VDR: variants seen among roughly 807,000 people sequenced by gnomAD.
VDR encodes vitamin D3 receptor.
Under a neutral mutation model 39.7 loss-of-function variants are expected in VDR, and 19 were observed. The ratio of observed to expected loss-of-function variants is 0.48; its 90% CI spans 0.33 to 0.70. The LOEUF (loss-of-function observed/expected upper bound fraction) is 0.70, where lower values mean the gene tolerates loss of function less well. VDR is among the 30% of genes least tolerant of loss of function. VDR has a pLI of 0.02. For synonymous variants in VDR, 242 were observed against 215.8 expected, an observed-to-expected ratio of 1.12 and a Z score of -1.07; for missense variants, 442 against 570.5, an observed-to-expected ratio of 0.77 and a Z score of 2.29.
chr12:47,885,847 C>T (rs1160869056), intron 1 of VDR, among the ~76,000 whole-genome samples: 1 of 152,152 alleles, frequency 6.6e-6, no homozygotes, highest in East Asian at 1.9e-4. Context: ...AGGTGTGAGC[C>T]ACGCCAGGAA....
At chr12:47,898,295 C>T (rs1415931719) in intron 1 of VDR, 2 of 152,174 alleles carry the variant, frequency 1.3e-5, no homozygotes, top group African/African-American at 2.4e-5. Context: ...ACTATTATAG[C>T]TAATCATTAT....
At chr12:47,903,773 A>G (rs924498050) in intron 1 of VDR, among the ~76,000 whole-genome samples, 1 of 152,216 alleles carries the variant, frequency 6.6e-6, no homozygotes, top group African/African-American at 2.4e-5. Context: ...AAAAGCCTGC[A>G]GTGCTGGGAT....
chr12:47,871,392 CCTCTCTTT>C (rs1234406196), intron 3 of VDR, among the ~76,000 whole-genome samples: 4 of 116,872 alleles, frequency 3.4e-5, no homozygotes, highest in Non-Finnish European at 5.6e-5. Flanking sequence ...TTCCTTCCTT[CCTCTCTTT>C]CTCTCTTTCT....
intron 6 of VDR, among the ~76,000 whole-genome samples, chr12:47,856,199 T>C (rs1340555317): frequency 6.6e-6 from 1 of 152,208 alleles, no homozygotes; most frequent in African/African-American, 2.4e-5. Context: ...TGTTTAAATA[T>C]TGATGCCAGT....
intron 7 of VDR, among the ~76,000 whole-genome samples, chr12:47,852,487 G>A (rs899451607): frequency 3.0e-4 from 45 of 152,300 alleles, no homozygotes; most frequent in African/African-American, 1.0e-3. Context: ...GAGCAATGCC[G>A]GGCTCACACA....
At chr12:47,860,871 G>A (rs1945613523) in intron 4 of VDR, among the ~76,000 whole-genome samples, 1 of 148,806 alleles carries the variant, frequency 6.7e-6, no homozygotes. Flanking sequence ...GTAATAAAAA[G>A]AAAATATTCG....
At chr12:47,865,757 C>A (rs1269715058) in intron 3 of VDR, among the ~76,000 whole-genome samples, 1 of 147,072 alleles carries the variant, frequency 6.8e-6, no homozygotes, top group East Asian at 2.0e-4. Context: ...CTCTGTCACC[C>A]AGGCTGGAGT....
chr12:47,860,735 T>C (rs1391347206), intron 4 of VDR, among the ~76,000 whole-genome samples: 1 of 152,174 alleles, frequency 6.6e-6, no homozygotes, highest in African/African-American at 2.4e-5. Flanking sequence ...GCTTCCAGTG[T>C]CCACCTCCCT....
In VDR at chr12:47,844,331, G is replaced by A. The variant is rs1238324914; in HGVS notation, c.*415C>T. 5 of 315,072 alleles carry A rather than the reference G, an allele frequency of 1.6e-5. No individual in the cohort carries two copies. Among genetic ancestry groups the A allele is most frequent in the Non-Finnish European group, 3.0e-5 (5 of 164,558 alleles). The allele number at this position is 315,072 out of a possible 1,614,324, so 19.5% of individuals were successfully genotyped here. A position where few individuals can be genotyped will look rare whatever the true frequency, so the allele number is the denominator to read the frequency against. On this transcript the variant is annotated 3_prime_UTR_variant, in exon 10 of 10. Transcript: ENST00000549336. Reference sequence around the variant, plus strand: ...GCAGGAGAGGGAGACCCCACTAGGCGCTGGACAAGCGGGGCCTGCAGTGGG... The same window carrying A: ...GCAGGAGAGGGAGACCCCACTAGGCACTGGACAAGCGGGGCCTGCAGTGGG...
intron 2 of VDR, among the ~76,000 whole-genome samples, chr12:47,881,317 A>G (rs561362276): frequency 6.6e-6 from 1 of 152,266 alleles, no homozygotes; most frequent in Admixed American, 6.5e-5. Context: ...GGACATAAAG[A>G]TGAGAACAAT....
At chr12:47,865,524 G>T (rs994498391) in intron 3 of VDR, among the ~76,000 whole-genome samples, 2 of 152,036 alleles carry the variant, frequency 1.3e-5, no homozygotes, top group Admixed American at 1.3e-4. Flanking sequence ...TAATCCTCCT[G>T]CTTCAGCCTC....
chr12:47,878,853 G>T, intron 3 of VDR, 115 bp downstream of exon 3: 1 of 1,552,614 alleles, frequency 6.4e-7, no homozygotes, highest in Non-Finnish European at 8.8e-7. Context: ...AGCGCCGCAT[G>T]TTCCATGGAC....
Position 47,846,416 on chromosome 12 carries a change from T to G in VDR, c.943A>C (p.Lys315Gln). Reference protein sequence around the residue: ...HSLELIEPLIKFQVGLKKLNL... With the variant: ...HSLELIEPLIQFQVGLKKLNL... ...AGCTTCTTCAGTCCCACCTGGAACT[T>G]GATGAGGGGCTCAATCAGCTCCAGG... The change falls in exon 9 of 10, where the codon AAG becomes CAG. Residue 315 changes from lysine (K) to glutamine (Q), a missense_variant. By Grantham distance (53) the Lys-to-Gln change is moderately conservative (BLOSUM62 1). Transcript: ENST00000549336. 1 of 1,573,962 alleles carries G rather than the reference T, an allele frequency of 6.4e-7. No homozygotes were observed. The highest frequency in any genetic ancestry group is 8.6e-7 in the Non-Finnish European group (1 of 1,159,562).
chr12:47,845,053 C>A, intron 9 of VDR, 48 bp from the exon 10 acceptor site: 1 of 1,602,242 alleles, frequency 6.2e-7, no homozygotes, highest in Non-Finnish European at 8.5e-7. Flanking sequence ...CTCAGCTGGG[C>A]CCCTCACTGC....
intron 1 of VDR, among the ~76,000 whole-genome samples, chr12:47,901,843 G>A (rs1042509609): frequency 6.6e-6 from 1 of 152,202 alleles, no homozygotes; most frequent in Non-Finnish European, 1.5e-5. Flanking sequence ...TTGGGGTGGG[G>A]CAGGAAAACC....
chr12:47,871,687 A>G (rs1007142630), intron 3 of VDR, among the ~76,000 whole-genome samples: 1 of 151,658 alleles, frequency 6.6e-6, no homozygotes, highest in Non-Finnish European at 1.5e-5. Context: ...CTGGTCTCGA[A>G]CTCCTGACCT....
In VDR at chr12:47,841,809, C is replaced by T. The variant is rs1945176787; in HGVS notation, c.*2937G>A. On this transcript the variant is annotated 3_prime_UTR_variant, in exon 10 of 10. Coordinates refer to ENST00000549336, the MANE Select transcript of VDR (RefSeq NM_000376.3). ...TCCTACATGCTTCCAGTTAGCCAGC[C>T]AGAGGATTTTCCTGTCTCTGGGAAT... The T allele has an allele frequency of 6.6e-6, 1 of 152,360 alleles. No homozygotes were observed. The highest frequency in any genetic ancestry group is 6.5e-5 in the Admixed American group (1 of 15,278). 9.4% of individuals were successfully genotyped at this position (152,360 alleles called of 1,614,324 possible). A position where few individuals can be genotyped will look rare whatever the true frequency, so the allele number is the denominator to read the frequency against.
Position 47,844,045 on chromosome 12 carries a change from A to G in VDR, c.*701T>C, listed in dbSNP as rs1405002518. On this transcript the variant is annotated 3_prime_UTR_variant, in exon 10 of 10. Transcript: ENST00000549336. ...CCGTGGAAGGAGGGCTTCCACCTCAACCAACCCCTTAGACCCAGGGCGAGG... is the reference window on the plus strand; with the variant it reads ...CCGTGGAAGGAGGGCTTCCACCTCAGCCAACCCCTTAGACCCAGGGCGAGG... 1.3e-5 allele frequency: 2 copies of G among 153,856 alleles called. No individual in the cohort carries two copies. The highest frequency in any genetic ancestry group is 2.9e-5 in the Non-Finnish European group (2 of 69,222). The allele number at this position is 153,856 out of a possible 1,614,324, so 9.5% of individuals were successfully genotyped here.
intron 4 of VDR, among the ~76,000 whole-genome samples, chr12:47,860,305 A>G (rs1945600328): frequency 6.6e-6 from 1 of 152,262 alleles, no homozygotes; most frequent in South Asian, 2.1e-4. Context: ...TAAAGGCTAG[A>G]CCGGAGGGGC....
Sources: gnomAD v4.1 joint callset for allele counts (sites outside exome capture counted in the v4.1 genomes callset) on GRCh38, gnomAD v4.1.1 for gene constraint, MANE v1.5 for transcripts, NCBI Gene and HGNC (gene_info 2026-07-23, HGNC 2026-07-21) for gene names.